The following RNF157 variants were observed in gnomAD, a reference collection of about 807,000 sequenced individuals.
RNF157 encodes the protein ring finger protein 157, also known as E3 ubiquitin ligase RNF157.
Under a neutral mutation model 88.3 loss-of-function variants are expected in RNF157, and 55 were observed. The observed-to-expected ratio is 0.62, with a 90% CI of 0.50 to 0.78. RNF157 has a LOEUF of 0.78. Among genes scored for constraint, RNF157 ranks in the 30% least tolerant of loss-of-function variants. The probability of loss-of-function intolerance (pLI) is 0.00; values close to 1 mark genes in which losing one functional copy is unlikely to be tolerated. For missense variants in RNF157, 788 were observed against 860.8 expected, an observed-to-expected ratio of 0.92 and a Z score of 1.06; for synonymous variants, 334 against 341.2, an observed-to-expected ratio of 0.98 and a Z score of 0.23.
chr17:76,210,397 T>C (rs542016291), intron 2 of RNF157, among the ~76,000 whole-genome samples: 39 of 151,776 alleles, frequency 2.6e-4, no homozygotes, highest in South Asian at 1.2e-3. Context: ...GAGACCATCC[T>C]GGCTAACACA....
At chr17:76,204,526 T>A (rs2069644110) in intron 2 of RNF157, among the ~76,000 whole-genome samples, 1 of 152,154 alleles carries the variant, frequency 6.6e-6, no homozygotes, top group Non-Finnish European at 1.5e-5. Context: ...TCATAAATAC[T>A]TGTTGAATGA....
intron 1 of RNF157, among the ~76,000 whole-genome samples, chr17:76,235,875 G>A (rs2070275072): frequency 6.6e-6 from 1 of 152,124 alleles, no homozygotes. Context: ...CAGGCATGGT[G>A]GTATGTGCCT....
At position 76,176,119 on chromosome 17, in the gene RNF157, C is replaced by T. The variant is rs1023617702; in HGVS notation, c.208-2329G>A. 3.9e-5 allele frequency among the ~76,000 whole-genome samples: 6 copies of T among 152,210 alleles called. No individual in the cohort carries two copies. The highest frequency in any genetic ancestry group is 1.4e-4 in the African/African-American group (6 of 41,454). ...CATTCATGCAATCAGAGTCTACATG[C>T]AACACTCCATGCCAGGAGTAAGGAG... is the stretch of plus-strand genomic sequence containing the variant. On this transcript the variant is annotated intron_variant, in intron 2 of 18. Transcript: ENST00000269391. The surrounding 1 kb of genome is among the most constrained non-coding windows in gnomAD (Gnocchi z 4.2).
chr17:76,230,880 A>G (rs1340607108), intron 1 of RNF157, among the ~76,000 whole-genome samples: 7 of 111,052 alleles, frequency 6.3e-5, no homozygotes, highest in South Asian at 2.7e-4. Context: ...GAGAGAGAGA[A>G]AGAGAAAGAG....
chr17:76,220,079 A>C (rs1268666834), intron 1 of RNF157, among the ~76,000 whole-genome samples: 1 of 152,108 alleles, frequency 6.6e-6, no homozygotes, highest in African/African-American at 2.4e-5. Context: ...ACATAGACCA[A>C]CAAAGTAGGA....
chr17:76,156,992 C>T (rs1486298927), intron 13 of RNF157, among the ~76,000 whole-genome samples: 5 of 150,710 alleles, frequency 3.3e-5, no homozygotes, highest in Admixed American at 6.6e-5. Flanking sequence ...GATGGAGTCT[C>T]GCTCTGTTGC....
At chr17:76,192,438 G>A (rs1156937927) in intron 2 of RNF157, among the ~76,000 whole-genome samples, 1 of 152,168 alleles carries the variant, frequency 6.6e-6, no homozygotes, top group African/African-American at 2.4e-5. Flanking sequence ...CAAAATCCAT[G>A]TAGGAATCCT....
At chr17:76,216,671 A>G (rs938000076) in intron 1 of RNF157, among the ~76,000 whole-genome samples, 11 of 152,138 alleles carry the variant, frequency 7.2e-5, no homozygotes, top group Non-Finnish European at 1.3e-4. Context: ...TTGTAAATCT[A>G]TATCTACTGA....
chr17:76,234,261 T>G lies in RNF157; in HGVS notation c.88+5892A>C, dbSNP rs78987044. ...TATTCTATTGTGCAGACTTACCATA[T>G]TTTATTTATCAGTAGTTCTATTCAT... On this transcript the variant is annotated intron_variant, in intron 1 of 18. Coordinates refer to ENST00000269391, the MANE Select transcript of RNF157 (RefSeq NM_052916.3). Among the ~76,000 whole-genome samples the G allele has an allele frequency of 5.6e-3, 848 of 152,370 alleles. 2 individuals carry two copies. Among genetic ancestry groups the G allele is most frequent in the African/African-American group, 0.02 (814 of 41,586 alleles).
chr17:76,156,195 C>T lies in RNF157; in HGVS notation c.1525+15G>A. 6.2e-7 allele frequency: 1 copy of T among 1,601,038 alleles called. No homozygotes were observed. Among genetic ancestry groups the T allele is most frequent in the Non-Finnish European group, 8.6e-7 (1 of 1,168,290 alleles). ...AGGGGGAAGGACATGCAGCCACTCC[C>T]CGCTCCTTATGTACCTTCTGGGGAG... On this transcript the variant is annotated intron_variant, in intron 14 of 18. Coordinates refer to ENST00000269391, the MANE Select transcript of RNF157 (RefSeq NM_052916.3).
intron 15 of RNF157, 50 bp from the exon 16 acceptor site, chr17:76,155,367 A>C (rs753060039): frequency 1.9e-6 from 3 of 1,584,942 alleles, no homozygotes; most frequent in African/African-American, 2.7e-5. Flanking sequence ...GTCTCGTGAC[A>C]GCAAACCCAA....
intron 15 of RNF157, 87 bp downstream of exon 15, chr17:76,155,475 C>T: frequency 6.5e-7 from 1 of 1,529,850 alleles, no homozygotes; most frequent in Non-Finnish European, 9.0e-7. Context: ...GGCTTTGCAG[C>T]CATGCATGGC....
In RNF157 at chr17:76,195,614, A is replaced by C. The variant is rs1339748353; in HGVS notation, c.207+16750T>G. Among the ~76,000 whole-genome samples the C allele has an allele frequency of 6.6e-6, 1 of 152,236 alleles. No individual in the cohort carries two copies. The highest frequency in any genetic ancestry group is 2.4e-5 in the African/African-American group (1 of 41,458). ...TATGTGTAATAGCCAAAATGCCCCA[A>C]AAAAGCTCAATGCCTGCAAACAATA... is the stretch of plus-strand genomic sequence containing the variant. On this transcript the variant is annotated intron_variant, in intron 2 of 18. Coordinates refer to ENST00000269391, the MANE Select transcript of RNF157 (RefSeq NM_052916.3). The surrounding 1 kb of genome is among the most constrained non-coding windows in gnomAD (Gnocchi z 4.4).
intron 17 of RNF157, chr17:76,153,965 C>T (rs1568023315): frequency 6.7e-6 from 2 of 300,044 alleles, no homozygotes; most frequent in Non-Finnish European, 1.3e-5. Flanking sequence ...TGAAAACCTG[C>T]AGCAGGGAGG....
intron 18 of RNF157, among the ~76,000 whole-genome samples, chr17:76,150,116 G>T (rs1019415595): frequency 3.3e-5 from 5 of 151,994 alleles, no homozygotes; most frequent in Non-Finnish European, 7.4e-5. Flanking sequence ...TTACTGAACA[G>T]AAATCCATAT....
In RNF157 at chr17:76,161,565, T is replaced by A; in HGVS notation, c.1035A>T (p.Ser345=). The A allele has an allele frequency of 6.2e-7, 1 of 1,613,544 alleles. No individual in the cohort carries two copies. The highest frequency in any genetic ancestry group is 8.5e-7 in the Non-Finnish European group (1 of 1,179,560). Residue 345 remains serine (S), a synonymous_variant, in exon 11 of 19, where the codon TCA becomes TCT. Coordinates refer to ENST00000269391, the MANE Select transcript of RNF157 (RefSeq NM_052916.3). The surrounding 1 kb of genome is among the most constrained non-coding windows in gnomAD (Gnocchi z 4.6). The part of the protein sequence containing the change: ...LSPTSFNPII[S]SQTSDSEEHP... Reference sequence around the variant, plus strand: ...GCTCTTCAGAGTCAGATGTCTGGGATGAGATGATGGGGTTAAAGCTGGTTG... The same window carrying A: ...GCTCTTCAGAGTCAGATGTCTGGGAAGAGATGATGGGGTTAAAGCTGGTTG...
In RNF157 at chr17:76,176,793, G is replaced by C. The variant is rs2069110513; in HGVS notation, c.208-3003C>G. Among the ~76,000 whole-genome samples the C allele has an allele frequency of 6.6e-6, 1 of 152,050 alleles. No individual in the cohort carries two copies. Among genetic ancestry groups the C allele is most frequent in the African/African-American group, 2.4e-5 (1 of 41,364 alleles). ...TGTCCCGCTTGCTCATGGAGCGCCA[G>C]GGCCAGGCCTGGGCGCGGAGCTGGG... On this transcript the variant is annotated intron_variant, in intron 2 of 18. Coordinates refer to ENST00000269391, the MANE Select transcript of RNF157 (RefSeq NM_052916.3). The surrounding 1 kb of genome is among the most constrained non-coding windows in gnomAD (Gnocchi z 4.2).
Position 76,145,137 on chromosome 17 carries a change from G to A in RNF157, c.*98C>T. On this transcript the variant is annotated 3_prime_UTR_variant, in exon 19 of 19. Coordinates refer to ENST00000269391, the MANE Select transcript of RNF157 (RefSeq NM_052916.3). ...AACAGCTGTCACAGGAGGGTAAAAA[G>A]TCTCCAGCATCTTGCTGAGGATGCC... The A allele has an allele frequency of 2.7e-6, 2 of 742,126 alleles. No individual in the cohort carries two copies. The highest frequency in any genetic ancestry group is 2.3e-6 in the Non-Finnish European group (1 of 442,324). The allele number at this position is 742,126 out of a possible 1,614,324, so 46.0% of individuals were successfully genotyped here. A position where few individuals can be genotyped will look rare whatever the true frequency, so the allele number is the denominator to read the frequency against.
At chr17:76,212,517 A>G in intron 1 of RNF157, 35 bp from the exon 2 acceptor site, 1 of 1,329,094 alleles carries the variant, frequency 7.5e-7, no homozygotes, top group Non-Finnish European at 1.1e-6. Flanking sequence ...TCAAACAAGC[A>G]GAAAACAGTC....
Sources: allele counts gnomAD v4.1 joint callset (sites outside exome capture counted in the v4.1 genomes callset), GRCh38; gene constraint gnomAD v4.1.1; non-coding constraint Gnocchi (gnomAD v3.1); transcripts MANE v1.5; gene names NCBI Gene and HGNC (gene_info 2026-07-23, HGNC 2026-07-21).